RGS7: variants seen among roughly 807,000 people sequenced by gnomAD.
RGS7 encodes regulator of G protein signaling 7.
A neutral mutation model predicts 81.1 loss-of-function variants in RGS7; 27 were observed. The observed-to-expected ratio is 0.33, with a 90% confidence interval of 0.25 to 0.46. The LOEUF (loss-of-function observed/expected upper bound fraction) is 0.46, where lower values mean the gene tolerates loss of function less well. Ranked by LOEUF, RGS7 falls within the 20% of genes least tolerant of loss-of-function variation. The probability of loss-of-function intolerance (pLI) is 1.00; values close to 1 mark genes in which losing one functional copy is unlikely to be tolerated. For missense variants in RGS7, 396 were observed against 607.4 expected, an observed-to-expected ratio of 0.65 and a Z score of 3.66; for synonymous variants, 208 against 207.7, an observed-to-expected ratio of 1.00 and a Z score of -0.01.
At position 241,162,685 on chromosome 1, in the gene RGS7, C is replaced by A. The variant is rs115292591; in HGVS notation, c.79-63923G>T. ...CTTCTACCCCTTGGCCAAATTCTTTCCTTTGAAGAGGCAAGGATCGAGTTT... is the reference window on the plus strand; with the variant it reads ...CTTCTACCCCTTGGCCAAATTCTTTACTTTGAAGAGGCAAGGATCGAGTTT... On this transcript the variant is annotated intron_variant, in intron 2 of 18. Coordinates refer to ENST00000440928, the MANE Select transcript of RGS7 (RefSeq NM_001364886.1). Among the ~76,000 whole-genome samples the A allele has an allele frequency of 9.2e-3, 1,401 of 152,318 alleles. 38 individuals carry two copies. Among genetic ancestry groups the A allele is most frequent in the African/African-American group, 0.033 (1,357 of 41,572 alleles).
At chr1:240,982,056 T>C (rs1292322122) in intron 4 of RGS7, among the ~76,000 whole-genome samples, 2 of 152,160 alleles carry the variant, frequency 1.3e-5, no homozygotes, top group Non-Finnish European at 2.9e-5. Context: ...CTCTGAACAA[T>C]ATGCATCTTA....
intron 18 of RGS7, among the ~76,000 whole-genome samples, chr1:240,787,616 A>G (rs945648862): frequency 2.0e-5 from 3 of 152,212 alleles, no homozygotes; most frequent in Admixed American, 2.0e-4. Flanking sequence ...TTCTGATAAA[A>G]TGTATGTATG....
intron 6 of RGS7, among the ~76,000 whole-genome samples, chr1:240,885,945 A>G (rs1667271681): frequency 6.6e-6 from 1 of 152,180 alleles, no homozygotes; most frequent in Admixed American, 6.5e-5. Flanking sequence ...TAACACATAC[A>G]AAACTCTCAT....
chr1:241,281,037 T>C (rs1168045230), intron 2 of RGS7, among the ~76,000 whole-genome samples: 1 of 152,024 alleles, frequency 6.6e-6, no homozygotes, highest in Non-Finnish European at 1.5e-5. Context: ...ATGAACCACA[T>C]AGTCTAGAAA....
At chr1:240,800,574 T>G in intron 18 of RGS7, 67 bp downstream of exon 18, 1 of 929,612 alleles carries the variant, frequency 1.1e-6, no homozygotes, top group Non-Finnish European at 1.6e-6. Context: ...CACAGCAGCA[T>G]GGAGCTAAAC....
chr1:241,233,825 C>T (rs1408338337), intron 2 of RGS7, among the ~76,000 whole-genome samples: 2 of 148,664 alleles, frequency 1.3e-5, no homozygotes, highest in Admixed American at 1.3e-4. Context: ...TTTAAGGAAA[C>T]TCCATACTGT....
chr1:241,006,846 A>C (rs1472839533), intron 3 of RGS7, among the ~76,000 whole-genome samples: 1 of 152,142 alleles, frequency 6.6e-6, no homozygotes, highest in East Asian at 1.9e-4. Context: ...CAACCTGAAA[A>C]TAATAATGAA....
intron 3 of RGS7, among the ~76,000 whole-genome samples, chr1:241,060,459 C>G (rs1370392415): frequency 1.3e-5 from 2 of 152,142 alleles, no homozygotes; most frequent in African/African-American, 4.8e-5. Flanking sequence ...AATCAATCAA[C>G]CTTTTTTTTC....
intron 18 of RGS7, 21 bp downstream of exon 18, chr1:240,800,620 T>C: frequency 6.7e-7 from 1 of 1,485,348 alleles, no homozygotes; most frequent in Non-Finnish European, 9.2e-7. Context: ...CAAACTTGAG[T>C]ATAAACCAAG....
chr1:241,038,390 C>A (rs987411721), intron 3 of RGS7, among the ~76,000 whole-genome samples: 1 of 152,124 alleles, frequency 6.6e-6, no homozygotes, highest in Non-Finnish European at 1.5e-5. Context: ...CATTTAAAAA[C>A]GTTACCTTCC....
chr1:240,889,120 G>A (rs936004046), intron 6 of RGS7, among the ~76,000 whole-genome samples: 5 of 152,052 alleles, frequency 3.3e-5, no homozygotes, highest in Admixed American at 2.6e-4. Flanking sequence ...CCACGCCCGG[G>A]TAATTTTTGT....
At chr1:240,956,415 G>A (rs1174220201) in intron 4 of RGS7, among the ~76,000 whole-genome samples, 2 of 149,338 alleles carry the variant, frequency 1.3e-5, no homozygotes, top group African/African-American at 2.5e-5. Context: ...ATGGGTTCAT[G>A]CTGATGTAAA....
intron 4 of RGS7, among the ~76,000 whole-genome samples, chr1:240,968,161 C>G (rs1682632387): frequency 6.6e-6 from 1 of 152,176 alleles, no homozygotes; most frequent in South Asian, 2.1e-4. Flanking sequence ...CCATGACTAT[C>G]CACACATACC....
intron 4 of RGS7, among the ~76,000 whole-genome samples, chr1:240,943,057 G>A (rs1041353890): frequency 2.0e-5 from 3 of 152,078 alleles, no homozygotes; most frequent in Non-Finnish European, 2.9e-5. Context: ...TTTCTCAACA[G>A]CAATCATAAT....
intron 4 of RGS7, among the ~76,000 whole-genome samples, chr1:240,939,446 CT>C (rs547717423): frequency 1.5e-4 from 22 of 151,360 alleles, no homozygotes; most frequent in Middle Eastern, 3.4e-3. Context: ...ATCTTATTCT[CT>C]TTTTTTTTGA....
At chr1:241,078,832 C>A (rs1572584749) in intron 3 of RGS7, among the ~76,000 whole-genome samples, 1 of 152,124 alleles carries the variant, frequency 6.6e-6, no homozygotes, top group Non-Finnish European at 1.5e-5. Context: ...ATATATGCAT[C>A]AGAGCCAGGG....
At chr1:241,079,063 A>AT (rs2062987957) in intron 3 of RGS7, among the ~76,000 whole-genome samples, 1 of 152,190 alleles carries the variant, frequency 6.6e-6, no homozygotes, top group South Asian at 2.1e-4. Flanking sequence ...CTTGTATTTA[A>AT]TTTCCTGGCT....
chr1:241,145,080 G>A (rs549394578), intron 2 of RGS7, among the ~76,000 whole-genome samples: 6 of 151,482 alleles, frequency 4.0e-5, no homozygotes, highest in South Asian at 2.1e-4. Flanking sequence ...GCAGTGGCAC[G>A]ATCTCGGCTC....
chr1:241,180,846 A>T (rs2103309816), intron 2 of RGS7, among the ~76,000 whole-genome samples: 1 of 152,338 alleles, frequency 6.6e-6, no homozygotes, highest in African/African-American at 2.4e-5. Flanking sequence ...GTGTGATTGT[A>T]GGCAAGGCAT....
Sources: allele counts gnomAD v4.1 joint callset (sites outside exome capture counted in the v4.1 genomes callset), GRCh38; gene constraint gnomAD v4.1.1; transcripts MANE v1.5; gene names NCBI Gene and HGNC (gene_info 2026-07-23, HGNC 2026-07-21).